The following COMMD1 variants were observed in gnomAD, a reference collection of about 807,000 sequenced individuals.
The protein encoded by COMMD1 is COMM domain-containing protein 1.
Under a neutral mutation model 17.2 loss-of-function variants are expected in COMMD1, and 10 were observed. That is an observed-to-expected ratio of 0.58 (90% confidence interval 0.36 to 0.99). The LOEUF is 0.99. Among genes scored for constraint, COMMD1 ranks in the 50% least tolerant of loss-of-function variants. COMMD1 has a pLI of 0.01. For missense variants in COMMD1, 270 were observed against 231.8 expected (o/e 1.17, Z -1.07); for synonymous variants, 97 against 91.6 (o/e 1.06, Z -0.34).
In COMMD1 at chr2:61,931,676, C is replaced by T. The variant is rs540215378; in HGVS notation, c.180+25818C>T. On this transcript the variant is annotated intron_variant, in intron 1 of 2. Transcript: ENST00000311832. ...CAGGTGCTATATTATTACCTTAGTC[C>T]ATTACCTATATGTTTATGGCTTTGA... Among the ~76,000 whole-genome samples the T allele has an allele frequency of 4.6e-5, 7 of 152,288 alleles. No individual in the cohort carries two copies. In the South Asian group the frequency reaches 1.2e-3, roughly 27 times the overall value.
intron 2 of COMMD1, among the ~76,000 whole-genome samples, chr2:62,008,186 A>G (rs2103822897): frequency 6.6e-6 from 1 of 152,280 alleles, no homozygotes; most frequent in Non-Finnish European, 1.5e-5. Flanking sequence ...GTCTCTAAAT[A>G]AATAAATAAG....
intron 1 of COMMD1, among the ~76,000 whole-genome samples, chr2:61,926,700 C>A (rs1048439556): frequency 2.0e-5 from 3 of 152,174 alleles, no homozygotes; most frequent in African/African-American, 7.2e-5. Context: ...TTTACTTCCT[C>A]TTTTCTCATG....
intron 2 of COMMD1, among the ~76,000 whole-genome samples, chr2:62,025,057 C>T (rs1043032616): frequency 2.0e-5 from 3 of 151,278 alleles, no homozygotes; most frequent in East Asian, 3.9e-4. Context: ...CTGTCTCTGC[C>T]AAAAATGCAA....
chr2:62,051,469 A>G (rs1670531731), intron 2 of COMMD1, among the ~76,000 whole-genome samples: 1 of 152,216 alleles, frequency 6.6e-6, no homozygotes, highest in Non-Finnish European at 1.5e-5. Flanking sequence ...TTAATTGTCA[A>G]TCTGAAAGGT....
intron 1 of COMMD1, among the ~76,000 whole-genome samples, chr2:61,889,395 G>A (rs765767601): frequency 4.6e-5 from 7 of 151,606 alleles, no homozygotes; most frequent in Non-Finnish European, 1.0e-4. Context: ...GAAACATAGC[G>A]AGACTGGGTT....
chr2:62,102,567 CAGA>C (rs1672215982), intron 2 of COMMD1, among the ~76,000 whole-genome samples: 2 of 152,246 alleles, frequency 1.3e-5, no homozygotes, highest in African/African-American at 4.8e-5. Context: ...GCTTCAAAAG[CAGA>C]AGTTTTTCTG....
At chr2:62,112,827 G>T (rs922647245) in intron 2 of COMMD1, among the ~76,000 whole-genome samples, 6 of 151,952 alleles carry the variant, frequency 3.9e-5, no homozygotes, top group Admixed American at 3.9e-4. Context: ...TACTGCTTTG[G>T]GTTCCATGGG....
chr2:61,978,443 T>C (rs1671864489), intron 1 of COMMD1, among the ~76,000 whole-genome samples: 2 of 152,230 alleles, frequency 1.3e-5, no homozygotes. Context: ...GGTTTTTTCC[T>C]TCAAATATTG....
At chr2:62,095,656 A>G (rs1671979130) in intron 2 of COMMD1, among the ~76,000 whole-genome samples, 1 of 151,474 alleles carries the variant, frequency 6.6e-6, no homozygotes, top group Admixed American at 6.6e-5. Context: ...TATAAGTGCA[A>G]CTGACTCAGA....
chr2:61,891,743 CAT>C (rs1669436666), intron 1 of COMMD1, among the ~76,000 whole-genome samples: 1 of 151,332 alleles, frequency 6.6e-6, no homozygotes, highest in African/African-American at 2.4e-5. Flanking sequence ...AAAACAAAAA[CAT>C]AAACACTTGT....
chr2:62,121,759 A>G (rs1321888983), intron 2 of COMMD1, among the ~76,000 whole-genome samples: 5 of 149,998 alleles, frequency 3.3e-5, no homozygotes, highest in African/African-American at 1.2e-4. Flanking sequence ...AAAAAGAGAG[A>G]GAGAAAGAGA....
At chr2:62,072,454 C>T (rs1450841650) in intron 2 of COMMD1, among the ~76,000 whole-genome samples, 1 of 152,204 alleles carries the variant, frequency 6.6e-6, no homozygotes, top group East Asian at 1.9e-4. Context: ...CTTAAAGTCC[C>T]TCTCTGCTGA....
At chr2:61,917,609 GCTCTGCCTC>G (rs1670082973) in intron 1 of COMMD1, among the ~76,000 whole-genome samples, 1 of 151,904 alleles carries the variant, frequency 6.6e-6, no homozygotes, top group Non-Finnish European at 1.5e-5. Flanking sequence ...CTCACTGCAA[GCTCTGCCTC>G]CCTGGTTCAC....
At chr2:62,010,811 A>G (rs1204097535) in intron 2 of COMMD1, among the ~76,000 whole-genome samples, 1 of 152,168 alleles carries the variant, frequency 6.6e-6, no homozygotes, top group Non-Finnish European at 1.5e-5. Flanking sequence ...TCTCTCCTAG[A>G]TTATAACATC....
chr2:62,061,057 G>T (rs1354837566), intron 2 of COMMD1, among the ~76,000 whole-genome samples: 1 of 151,810 alleles, frequency 6.6e-6, no homozygotes. Context: ...ATATCAATTT[G>T]GTTAGTTTAT....
At chr2:61,930,412 C>T (rs1670431448) in intron 1 of COMMD1, among the ~76,000 whole-genome samples, 1 of 152,012 alleles carries the variant, frequency 6.6e-6, no homozygotes, top group African/African-American at 2.4e-5. Flanking sequence ...AAAAATTAGC[C>T]AGGCGTGGTG....
At chr2:61,978,077 C>T (rs1254371326) in intron 1 of COMMD1, among the ~76,000 whole-genome samples, 3 of 151,948 alleles carry the variant, frequency 2.0e-5, no homozygotes, top group African/African-American at 7.3e-5. Flanking sequence ...AGGAGGATCA[C>T]TTGAGGCCAG....
intron 1 of COMMD1, among the ~76,000 whole-genome samples, chr2:61,893,724 G>A (rs1022092182): frequency 1.5e-4 from 22 of 151,506 alleles, no homozygotes; most frequent in Non-Finnish European, 1.5e-4. Flanking sequence ...TGAGGAAGGA[G>A]AATTGCTTGA....
At chr2:62,023,024 C>T (rs763437966) in intron 2 of COMMD1, among the ~76,000 whole-genome samples, 10 of 152,050 alleles carry the variant, frequency 6.6e-5, no homozygotes, top group African/African-American at 1.9e-4. Context: ...GTCAGGAGTT[C>T]GAGACCAGCC....
Sources: gnomAD v4.1 joint callset for allele counts (sites outside exome capture counted in the v4.1 genomes callset) on GRCh38, gnomAD v4.1.1 for gene constraint, MANE v1.5 for transcripts, NCBI Gene and HGNC (gene_info 2026-07-23, HGNC 2026-07-21) for gene names.